The following TMTC2 variants were observed in gnomAD, a reference collection of about 807,000 sequenced individuals.
TMTC2 encodes protein O-mannosyl-transferase TMTC2.
In TMTC2, 43 loss-of-function variants were observed where a neutral mutation model predicts 82.4. That is an observed-to-expected ratio of 0.52 (90% CI 0.41 to 0.67). The LOEUF (loss-of-function observed/expected upper bound fraction) is 0.67. Ranked by LOEUF, TMTC2 falls within the 30% of genes least tolerant of loss-of-function variation. The probability of loss-of-function intolerance (pLI) is 0.00; values close to 1 mark genes in which losing one functional copy is unlikely to be tolerated. For synonymous variants in TMTC2, 408 were observed against 381.9 expected (o/e 1.07, Z -0.80); for missense variants, 919 against 1,012.4 (o/e 0.91, Z 1.25).
chr12:82,893,994 G>C (rs899686942), intron 2 of TMTC2, among the ~76,000 whole-genome samples: 10 of 152,218 alleles, frequency 6.6e-5, no homozygotes, highest in Non-Finnish European at 1.0e-4. Flanking sequence ...GGACGTGAAA[G>C]TTGTGAAGAC....
At chr12:82,843,307 G>A (rs999710008) in intron 1 of TMTC2, among the ~76,000 whole-genome samples, 1 of 151,764 alleles carries the variant, frequency 6.6e-6, no homozygotes, top group Non-Finnish European at 1.5e-5. Context: ...GGCTGGTCTC[G>A]AACTCCTGAC....
intron 11 of TMTC2, among the ~76,000 whole-genome samples, chr12:83,089,847 CAAAA>C (rs200273951): frequency 7.4e-5 from 10 of 135,784 alleles, no homozygotes; most frequent in South Asian, 2.3e-4. Context: ...AAACAAAAAA[CAAAA>C]AAAAAAAAAC....
At position 82,930,465 on chromosome 12, in the gene TMTC2, G is replaced by A. The variant is rs755438349; in HGVS notation, c.1518G>A (p.Gln506=). 1 of 1,605,132 alleles carries A rather than the reference G, an allele frequency of 6.2e-7. No individual in the cohort carries two copies. Among genetic ancestry groups the A allele is most frequent in the East Asian group, 2.2e-5 (1 of 44,628 alleles). Residue 506 remains glutamine, a synonymous_variant, in exon 4 of 12, where the codon CAG becomes CAA. Transcript: ENST00000321196. ...ACCTTGGAAATGTTCTGAAGAGTCA[G>A]AGCAAAATTTCTGAAGCTGAAAGCG... is the stretch of plus-strand genomic sequence containing the variant. ...WGNLGNVLKS[Q]SKISEAESAY... is the part of the protein sequence containing the mutation.
intron 1 of TMTC2, among the ~76,000 whole-genome samples, chr12:82,747,730 G>A (rs1048055846): frequency 6.6e-5 from 10 of 152,050 alleles, no homozygotes; most frequent in African/African-American, 2.2e-4. Context: ...GCTATTATTT[G>A]GCATATCATG....
At chr12:83,097,962 A>C (rs1592744814) in intron 11 of TMTC2, among the ~76,000 whole-genome samples, 1 of 152,174 alleles carries the variant, frequency 6.6e-6, no homozygotes, top group African/African-American at 2.4e-5. Context: ...TTCACTTTGG[A>C]TTTTATTTTA....
At chr12:82,932,467 C>A (rs1876092762) in intron 4 of TMTC2, among the ~76,000 whole-genome samples, 1 of 152,172 alleles carries the variant, frequency 6.6e-6, no homozygotes, top group Admixed American at 6.5e-5. Context: ...CTTTGCTGAA[C>A]TAATTTGAAT....
At chr12:82,787,403 A>G (rs991672420) in intron 1 of TMTC2, among the ~76,000 whole-genome samples, 10 of 152,146 alleles carry the variant, frequency 6.6e-5, no homozygotes, top group African/African-American at 1.4e-4. Flanking sequence ...TTCTTAAAGG[A>G]TTTGAAAAAA....
intron 11 of TMTC2, among the ~76,000 whole-genome samples, chr12:83,074,732 T>TG (rs1445938229): frequency 6.6e-6 from 1 of 152,086 alleles, no homozygotes; most frequent in Non-Finnish European, 1.5e-5. Context: ...GCCCAGAGTC[T>TG]GTGTCTGTTT....
chr12:82,857,134 A>T lies in TMTC2; in HGVS notation c.208A>T (p.Thr70Ser). Residue 70 changes from threonine to serine, a missense_variant, in exon 2 of 12, where the codon ACT becomes TCT. Coordinates refer to ENST00000321196, the MANE Select transcript of TMTC2 (RefSeq NM_152588.3). ...CCACAAGTCCTACCGGCCACTCTGC[A>T]CTCTTTCTTTTCGCCTGAACCATGC... ...GSHKSYRPLC[T>S]LSFRLNHAIG... 1.2e-6 allele frequency: 2 copies of T among 1,613,930 alleles called. No individual in the cohort carries two copies.
At chr12:82,950,112 T>C (rs912172390) in intron 4 of TMTC2, among the ~76,000 whole-genome samples, 1 of 152,150 alleles carries the variant, frequency 6.6e-6, no homozygotes, top group African/African-American at 2.4e-5. Flanking sequence ...ATTCCCAGTG[T>C]TGGTGATTTG....
chr12:82,724,842 A>G (rs1874375010), intron 1 of TMTC2, among the ~76,000 whole-genome samples: 1 of 152,166 alleles, frequency 6.6e-6, no homozygotes, highest in East Asian at 1.9e-4. Flanking sequence ...TTTCCATAGA[A>G]AATACTGTGT....
At chr12:82,936,264 A>G (rs1379225208) in intron 4 of TMTC2, among the ~76,000 whole-genome samples, 1 of 152,100 alleles carries the variant, frequency 6.6e-6, no homozygotes, top group East Asian at 1.9e-4. Flanking sequence ...GGCGTTTCAC[A>G]AGTGAGTTCT....
intron 11 of TMTC2, among the ~76,000 whole-genome samples, chr12:83,130,163 C>T (rs1885219839): frequency 6.6e-6 from 1 of 152,186 alleles, no homozygotes; most frequent in Admixed American, 6.5e-5. Flanking sequence ...AACATTGTAT[C>T]TACTTAGCAT....
At chr12:82,989,155 A>G (rs1386777464) in intron 8 of TMTC2, among the ~76,000 whole-genome samples, 2 of 152,006 alleles carry the variant, frequency 1.3e-5, no homozygotes, top group Non-Finnish European at 2.9e-5. Flanking sequence ...TGATAGCAAC[A>G]TGATTTTCAT....
intron 4 of TMTC2, among the ~76,000 whole-genome samples, chr12:82,962,618 T>C (rs1163730684): frequency 6.6e-6 from 1 of 152,056 alleles, no homozygotes; most frequent in Non-Finnish European, 1.5e-5. Context: ...AGGTGGGAGA[T>C]ACTGATTTCA....
At chr12:82,838,083 A>C (rs1478278147) in intron 1 of TMTC2, among the ~76,000 whole-genome samples, 1 of 152,212 alleles carries the variant, frequency 6.6e-6, no homozygotes, top group Non-Finnish European at 1.5e-5. Flanking sequence ...CACATACATT[A>C]AGTAATGGTA....
intron 11 of TMTC2, among the ~76,000 whole-genome samples, chr12:83,066,355 G>A (rs1882915413): frequency 6.6e-6 from 1 of 151,838 alleles, no homozygotes. Flanking sequence ...TTCTGGCAGG[G>A]AGAACTATAC....
intron 8 of TMTC2, among the ~76,000 whole-genome samples, chr12:83,027,055 A>G (rs748378868): frequency 3.9e-5 from 6 of 152,064 alleles, no homozygotes; most frequent in Non-Finnish European, 7.4e-5. Flanking sequence ...CATGAGTTTA[A>G]TAAATACTGG....
chr12:82,893,725 T>A (rs1555195062), intron 2 of TMTC2, among the ~76,000 whole-genome samples: 1 of 152,112 alleles, frequency 6.6e-6, no homozygotes, highest in African/African-American at 2.4e-5. Flanking sequence ...ACTTTTGAAA[T>A]GTAAAAATGG....
Sources: gnomAD v4.1 joint callset for allele counts (sites outside exome capture counted in the v4.1 genomes callset) on GRCh38, gnomAD v4.1.1 for gene constraint, MANE v1.5 for transcripts, NCBI Gene and HGNC (gene_info 2026-07-23, HGNC 2026-07-21) for gene names.